LHFPL4: variants seen among roughly 807,000 people sequenced by gnomAD.
LHFPL4 encodes the protein LHFPL tetraspan subfamily member 4.
LHFPL4 carries 6 observed loss-of-function variants against 20.0 expected under a neutral mutation model. The ratio of observed to expected loss-of-function variants is 0.30; its 90% confidence interval spans 0.16 to 0.59. The LOEUF is 0.59. Ranked by LOEUF, LHFPL4 falls within the 20% of genes least tolerant of loss-of-function variation. The pLI is 0.88. For missense variants in LHFPL4, 215 were observed against 331.2 expected, an observed-to-expected ratio of 0.65 and a Z score of 2.72; for synonymous variants, 129 against 143.8, an observed-to-expected ratio of 0.90 and a Z score of 0.74.
chr3:9,517,805 T>TTG (rs1307704800), intron 2 of LHFPL4, among the ~76,000 whole-genome samples: 29 of 141,822 alleles, frequency 2.0e-4, no homozygotes, highest in Non-Finnish European at 3.9e-4. Context: ...TTTTTTGTTT[T>TTG]TTGTTTTTTT....
At chr3:9,510,436 C>CAAA (rs34617447) in intron 2 of LHFPL4, among the ~76,000 whole-genome samples, 5 of 117,350 alleles carry the variant, frequency 4.3e-5, no homozygotes, top group Admixed American at 9.2e-5. Flanking sequence ...GACATGGTTT[C>CAAA]AAAAAAAAAA....
rs1244045510 is a variant in LHFPL4, at chr3:9,502,049, C to T, written c.*162G>A. The T allele has an allele frequency of 7.9e-6, 5 of 636,896 alleles. No individual in the cohort carries two copies. The highest frequency in any genetic ancestry group is 2.6e-5 in the Admixed American group (1 of 37,826). 39.5% of individuals were successfully genotyped at this position (636,896 alleles called of 1,614,324 possible). On this transcript the variant is annotated 3_prime_UTR_variant, in exon 4 of 4. Coordinates refer to ENST00000287585, the MANE Select transcript of LHFPL4 (RefSeq NM_198560.3). Reference sequence around the variant, plus strand: ...AGGGCCTCTCCTCTCCCCCAGGCCACATCCAGGCTTTCCTCTCCTCAAAGC... The same window carrying T: ...AGGGCCTCTCCTCTCCCCCAGGCCATATCCAGGCTTTCCTCTCCTCAAAGC...
chr3:9,521,256 G>A (rs1455742760), intron 2 of LHFPL4, among the ~76,000 whole-genome samples: 1 of 145,910 alleles, frequency 6.9e-6, no homozygotes, highest in East Asian at 2.0e-4. Context: ...TGACAGTGTG[G>A]CTCTGTTGCC....
At chr3:9,531,077 A>T (rs2046406107) in intron 2 of LHFPL4, among the ~76,000 whole-genome samples, 2 of 152,200 alleles carry the variant, frequency 1.3e-5, no homozygotes, top group Admixed American at 1.3e-4. Context: ...AGCAATCAAA[A>T]TACGCACATT....
chr3:9,509,571 A>G (rs549707362), intron 2 of LHFPL4, among the ~76,000 whole-genome samples: 1 of 152,278 alleles, frequency 6.6e-6, no homozygotes, highest in African/African-American at 2.4e-5. Flanking sequence ...CAACACATAA[A>G]TAGAAGAGTT....
intron 2 of LHFPL4, among the ~76,000 whole-genome samples, chr3:9,523,986 C>CG (rs1460891751): frequency 2.2e-5 from 3 of 134,106 alleles, no homozygotes; most frequent in Middle Eastern, 4.0e-3. Context: ...TAGTATTTCC[C>CG]CCCCCCCCAA....
At chr3:9,512,383 G>A (rs1368552206) in intron 2 of LHFPL4, among the ~76,000 whole-genome samples, 4 of 152,162 alleles carry the variant, frequency 2.6e-5, no homozygotes, top group Non-Finnish European at 4.4e-5. Context: ...CATAAGGGTG[G>A]CGTGTGAGCA....
At chr3:9,510,979 T>TAAGC (rs1357254831) in intron 2 of LHFPL4, among the ~76,000 whole-genome samples, 3 of 145,952 alleles carry the variant, frequency 2.1e-5, no homozygotes, top group African/African-American at 7.5e-5. Context: ...AATAAATAAA[T>TAAGC]AAGCAGTGAT....
At chr3:9,551,804 A>AGCC (rs2046556490) in intron 2 of LHFPL4, among the ~76,000 whole-genome samples, 1 of 152,216 alleles carries the variant, frequency 6.6e-6, no homozygotes, top group Non-Finnish European at 1.5e-5. Context: ...TGTTTTACAG[A>AGCC]TGAGGAAACC....
intron 2 of LHFPL4, among the ~76,000 whole-genome samples, chr3:9,548,847 C>G (rs988841958): frequency 2.0e-5 from 3 of 152,102 alleles, no homozygotes; most frequent in Non-Finnish European, 2.9e-5. Context: ...CTGGCTCAGC[C>G]CTGGAACGTT....
At chr3:9,508,877 A>C (rs2046238416) in intron 2 of LHFPL4, among the ~76,000 whole-genome samples, 1 of 152,150 alleles carries the variant, frequency 6.6e-6, no homozygotes, top group South Asian at 2.1e-4. Context: ...CCCGGACTCT[A>C]AATCTCCAGC....
intron 2 of LHFPL4, among the ~76,000 whole-genome samples, chr3:9,522,220 T>A (rs2046342259): frequency 1.3e-5 from 2 of 151,652 alleles, no homozygotes; most frequent in Non-Finnish European, 2.9e-5. Flanking sequence ...GGTCTCGATC[T>A]CTTGACCTCG....
chr3:9,504,249 G>C (rs1030623256), intron 3 of LHFPL4, among the ~76,000 whole-genome samples: 1 of 151,624 alleles, frequency 6.6e-6, no homozygotes. Context: ...CAACATGCCT[G>C]TAATCCCAGG....
chr3:9,516,483 T>C (rs942242047), intron 2 of LHFPL4, among the ~76,000 whole-genome samples: 4 of 151,914 alleles, frequency 2.6e-5, no homozygotes, highest in African/African-American at 7.3e-5. Context: ...TTTTTTTTTT[T>C]CTCTTGAGAC....
At chr3:9,514,599 A>G (rs1402707828) in intron 2 of LHFPL4, among the ~76,000 whole-genome samples, 2 of 152,200 alleles carry the variant, frequency 1.3e-5, no homozygotes, top group Non-Finnish European at 2.9e-5. Context: ...TTTATGTACC[A>G]TTGTAGCATA....
chr3:9,538,967 T>A (rs2046460605), intron 2 of LHFPL4, among the ~76,000 whole-genome samples: 1 of 152,098 alleles, frequency 6.6e-6, no homozygotes. Flanking sequence ...CTCAAAGTGC[T>A]GGGATTATAG....
chr3:9,500,719 C>A lies in LHFPL4; in HGVS notation c.*1492G>T, dbSNP rs1389735782. The A allele has an allele frequency of 1.3e-5, 2 of 152,214 alleles. No individual in the cohort carries two copies. Among genetic ancestry groups the A allele is most frequent in the African/African-American group, 4.8e-5 (2 of 41,448 alleles). The allele number at this position is 152,214 out of a possible 1,614,324, so 9.4% of individuals were successfully genotyped here. On this transcript the variant is annotated 3_prime_UTR_variant, in exon 4 of 4. Transcript: ENST00000287585. Reference sequence around the variant, plus strand: ...GCAGGTCCAGGCCGCCAGGAGGGGGCGCTGGACGAAGCCGGTCTGCACCAG... The same window carrying A: ...GCAGGTCCAGGCCGCCAGGAGGGGGAGCTGGACGAAGCCGGTCTGCACCAG...
intron 2 of LHFPL4, among the ~76,000 whole-genome samples, chr3:9,535,904 C>T (rs1467285965): frequency 6.6e-6 from 1 of 152,130 alleles, no homozygotes; most frequent in African/African-American, 2.4e-5. Flanking sequence ...CAGGTTCAAG[C>T]GATTCTCCTG....
intron 2 of LHFPL4, among the ~76,000 whole-genome samples, chr3:9,521,049 A>G (rs1315372692): frequency 6.6e-6 from 1 of 152,004 alleles, no homozygotes; most frequent in Non-Finnish European, 1.5e-5. Flanking sequence ...TTCTCTTTGC[A>G]CTTCTATCAG....
Sources: gnomAD v4.1 joint callset for allele counts (sites outside exome capture counted in the v4.1 genomes callset) on GRCh38, gnomAD v4.1.1 for gene constraint, MANE v1.5 for transcripts, NCBI Gene and HGNC (gene_info 2026-07-23, HGNC 2026-07-21) for gene names.